The following SUPT3H variants were observed in gnomAD, a reference collection of about 807,000 sequenced individuals.
SUPT3H encodes transcription initiation protein SPT3 homolog.
Under a neutral mutation model 44.3 loss-of-function variants are expected in SUPT3H, and 44 were observed. The ratio of observed to expected loss-of-function variants is 0.99; its 90% CI spans 0.78 to 1.28. The LOEUF (loss-of-function observed/expected upper bound fraction) is 1.28. Ranked by LOEUF, SUPT3H falls within the 50% of genes most tolerant of loss-of-function variation. The probability of loss-of-function intolerance (pLI) is 0.00; values close to 1 mark genes in which losing one functional copy is unlikely to be tolerated. For missense variants in SUPT3H, 380 were observed against 387.1 expected (o/e 0.98, Z 0.15); for synonymous variants, 124 against 125.6 (o/e 0.99, Z 0.09).
intron 2 of SUPT3H, among the ~76,000 whole-genome samples, chr6:45,238,417 T>C (rs1769616054): frequency 6.6e-6 from 1 of 152,238 alleles, no homozygotes; most frequent in East Asian, 1.9e-4. Flanking sequence ...GGATATGACC[T>C]GCTCTAGGCA....
intron 2 of SUPT3H, among the ~76,000 whole-genome samples, chr6:45,337,934 T>G (rs1381733237): frequency 6.6e-6 from 1 of 152,014 alleles, no homozygotes; most frequent in Non-Finnish European, 1.5e-5. Context: ...ACTCCTGACT[T>G]GACAATGATG....
At chr6:44,873,438 T>C (rs1321886226) in intron 10 of SUPT3H, among the ~76,000 whole-genome samples, 1 of 36,950 alleles carries the variant, frequency 2.7e-5, no homozygotes, top group Non-Finnish European at 5.8e-5. Flanking sequence ...ATAAAGATGT[T>C]CTTTGAAACC....
chr6:44,842,142 G>A (rs993479633), intron 10 of SUPT3H, among the ~76,000 whole-genome samples: 2 of 152,182 alleles, frequency 1.3e-5, no homozygotes, highest in African/African-American at 4.8e-5. Flanking sequence ...TGCTGAAATT[G>A]TGTTTAAAAG....
chr6:45,067,682 C>G (rs1367398872), intron 3 of SUPT3H, among the ~76,000 whole-genome samples: 2 of 150,130 alleles, frequency 1.3e-5, no homozygotes, highest in Admixed American at 1.3e-4. Context: ...CAAAAGAAGA[C>G]ATTTATGCAG....
At chr6:44,857,234 A>T (rs953905289) in intron 10 of SUPT3H, among the ~76,000 whole-genome samples, 1 of 152,204 alleles carries the variant, frequency 6.6e-6, no homozygotes, top group African/African-American at 2.4e-5. Flanking sequence ...TAAATAAAGC[A>T]TCACTTATAA....
chr6:44,845,722 C>T (rs971873530), intron 10 of SUPT3H, among the ~76,000 whole-genome samples: 3 of 152,162 alleles, frequency 2.0e-5, no homozygotes, highest in South Asian at 4.1e-4. Flanking sequence ...GTCAAGAGGA[C>T]GTTGAGGGGA....
At chr6:45,296,802 G>C (rs1184111506) in intron 2 of SUPT3H, among the ~76,000 whole-genome samples, 1 of 147,486 alleles carries the variant, frequency 6.8e-6, no homozygotes, top group African/African-American at 2.5e-5. Flanking sequence ...TCAGGTGATG[G>C]GTGCACCAAA....
rs537291356 is a variant in SUPT3H at position 44,887,827 on chromosome 6, G to T, written c.912+44826C>A. 2.3e-4 allele frequency among the ~76,000 whole-genome samples: 35 copies of T among 151,878 alleles called. No homozygotes were observed. The East Asian group carries it at 6.2e-3, about 27-fold the overall frequency. ...ACCCTTCAAAAAATTAATGAATCCA[G>T]GAGCTGGTTTTTTGAAAGGATCAAC... On this transcript the variant is annotated intron_variant, in intron 10 of 10. Coordinates refer to ENST00000371459, the MANE Select transcript of SUPT3H (RefSeq NM_003599.4).
intron 2 of SUPT3H, among the ~76,000 whole-genome samples, chr6:45,142,106 A>G (rs2153590516): frequency 6.6e-6 from 1 of 152,312 alleles, no homozygotes; most frequent in African/African-American, 2.4e-5. Context: ...GCCTCTTGAA[A>G]CAAAGTAATT....
intron 10 of SUPT3H, among the ~76,000 whole-genome samples, chr6:44,872,429 T>A (rs1488631645): frequency 1.4e-5 from 2 of 139,952 alleles, no homozygotes; most frequent in African/African-American, 5.3e-5. Context: ...AATAAAATAC[T>A]TTATAGACAA....
At chr6:45,107,868 T>C (rs1026116030) in intron 2 of SUPT3H, among the ~76,000 whole-genome samples, 1 of 152,188 alleles carries the variant, frequency 6.6e-6, no homozygotes, top group Non-Finnish European at 1.5e-5. Context: ...CTATTAACTA[T>C]AGTAATTTAT....
rs543472810 is a variant in SUPT3H at position 45,129,765 on chromosome 6, T to A, written c.102-23759A>T. Among the ~76,000 whole-genome samples the A allele has an allele frequency of 1.9e-3, 290 of 152,206 alleles. 3 individuals are homozygous for A. The highest frequency in any genetic ancestry group is 1.8e-3 in the Non-Finnish European group (121 of 67,996). ...GACGTATACTACTTATGGATTTTTTTAAAAAAATCCATCAATCAATCAATT... is the reference window on the plus strand; with the variant it reads ...GACGTATACTACTTATGGATTTTTTAAAAAAAATCCATCAATCAATCAATT... On this transcript the variant is annotated intron_variant, in intron 2 of 10. Coordinates refer to ENST00000371459, the MANE Select transcript of SUPT3H (RefSeq NM_003599.4).
intron 10 of SUPT3H, among the ~76,000 whole-genome samples, chr6:44,884,358 A>C (rs752588057): frequency 8.5e-5 from 13 of 152,180 alleles, no homozygotes; most frequent in Non-Finnish European, 1.5e-4. Flanking sequence ...GAAACAACAG[A>C]TGCTGGAGAG....
intron 3 of SUPT3H, among the ~76,000 whole-genome samples, chr6:45,100,480 G>A (rs1798398380): frequency 7.1e-6 from 1 of 141,738 alleles, no homozygotes; most frequent in Non-Finnish European, 1.5e-5. Flanking sequence ...GGCTGAGGGG[G>A]GAAATGGCTT....
chr6:45,065,042 T>C (rs1406252437), intron 3 of SUPT3H, among the ~76,000 whole-genome samples: 4 of 150,850 alleles, frequency 2.7e-5, no homozygotes, highest in East Asian at 2.0e-4. Context: ...TATTCCAAAA[T>C]TGACCACATA....
chr6:45,067,458 C>G (rs1475087878), intron 3 of SUPT3H, among the ~76,000 whole-genome samples: 5 of 136,772 alleles, frequency 3.7e-5, no homozygotes, highest in South Asian at 2.3e-4. Context: ...CCAAAATTGA[C>G]AACTGGGATC....
At chr6:45,312,582 T>C (rs1784114824) in intron 2 of SUPT3H, among the ~76,000 whole-genome samples, 1 of 140,110 alleles carries the variant, frequency 7.1e-6, no homozygotes, top group African/African-American at 2.7e-5. Context: ...CAGGAAAATA[T>C]CATAATCCTA....
At chr6:45,086,572 T>C (rs1424463164) in intron 3 of SUPT3H, among the ~76,000 whole-genome samples, 7 of 152,022 alleles carry the variant, frequency 4.6e-5, no homozygotes, top group Non-Finnish European at 1.0e-4. Flanking sequence ...TAGCTTGAAG[T>C]ACTTATGTAC....
intron 10 of SUPT3H, among the ~76,000 whole-genome samples, chr6:44,885,152 C>T (rs1469473926): frequency 2.0e-5 from 3 of 152,210 alleles, no homozygotes; most frequent in African/African-American, 7.2e-5. Context: ...CTCAAGGGGA[C>T]CTGCCTGCCT....
Sources: allele counts gnomAD v4.1 joint callset (sites outside exome capture counted in the v4.1 genomes callset), GRCh38; gene constraint gnomAD v4.1.1; transcripts MANE v1.5; gene names NCBI Gene and HGNC (gene_info 2026-07-23, HGNC 2026-07-21).